LRRFIP1: variants seen among roughly 807,000 people sequenced by gnomAD.
LRRFIP1 encodes the protein LRR binding FLII interacting protein 1, also known as leucine-rich repeat flightless-interacting protein 1.
A neutral mutation model predicts 104.4 loss-of-function variants in LRRFIP1; 62 were observed. That is an observed-to-expected ratio of 0.59 (90% CI 0.48 to 0.73). LRRFIP1 has a LOEUF of 0.73. Among genes scored for constraint, LRRFIP1 ranks in the 30% least tolerant of loss-of-function variants. The pLI is 0.00. For missense variants in LRRFIP1, 796 were observed against 824.5 expected (o/e 0.97, Z 0.42); for synonymous variants, 300 against 299.0 (o/e 1.00, Z -0.03).
intron 8 of LRRFIP1, among the ~76,000 whole-genome samples, chr2:237,729,009 GCCT>G (rs758872421): frequency 2.6e-5 from 4 of 152,180 alleles, no homozygotes; most frequent in Non-Finnish European, 5.9e-5. Flanking sequence ...TGCAACCTCT[GCCT>G]CCTGGGTTCG....
rs2094390082 is a variant in LRRFIP1, at chr2:237,717,609, C to A, written c.202-153C>A. 1.4e-6 allele frequency: 1 copy of A among 716,708 alleles called. No homozygotes were observed. Among genetic ancestry groups the A allele is most frequent in the Non-Finnish European group, 2.6e-6 (1 of 389,820 alleles). 44.4% of individuals were successfully genotyped at this position (716,708 alleles called of 1,614,324 possible). ...ACGGGTGGCGGTCCCTGTGGAGAAG[C>A]CAGGCCTGGTGCCGACTGCTTTGCC... On this transcript the variant is annotated intron_variant, in intron 3 of 23. Coordinates refer to ENST00000308482, the MANE Select transcript of LRRFIP1 (RefSeq NM_001137550.2). The surrounding 1 kb of genome is among the most constrained non-coding windows in gnomAD (Gnocchi z 4.2).
rs1328455617 is a variant in LRRFIP1, at chr2:237,781,626, C to CT, written c.*2101dup. Among the ~76,000 whole-genome samples the CT allele has an allele frequency of 6.6e-6, 1 of 152,258 alleles. No homozygotes were observed. The highest frequency in any genetic ancestry group is 2.1e-4 in the South Asian group (1 of 4,818). ...TTTAAATTTATTTAGTAAAATAAAA[C>CT]TTTTTTTGCAGATGTAACGAATGGA... On this transcript the variant is annotated 3_prime_UTR_variant, in exon 24 of 24. Transcript: ENST00000308482.
At chr2:237,688,245 G>A (rs1051984844) in intron 1 of LRRFIP1, among the ~76,000 whole-genome samples, 1 of 152,082 alleles carries the variant, frequency 6.6e-6, no homozygotes, top group African/African-American at 2.4e-5. Context: ...CAGTGATGTC[G>A]GGAGGTCAGT....
chr2:237,744,141 A>G (rs543988709), intron 11 of LRRFIP1, among the ~76,000 whole-genome samples: 1 of 152,366 alleles, frequency 6.6e-6, no homozygotes, highest in Admixed American at 6.5e-5. Context: ...AAGATAAGTC[A>G]TTCAGGCTAA....
At chr2:237,746,061 TA>T (rs1345087095) in intron 11 of LRRFIP1, among the ~76,000 whole-genome samples, 10 of 141,402 alleles carry the variant, frequency 7.1e-5, no homozygotes, top group South Asian at 2.2e-4. Flanking sequence ...TTATTTTATT[TA>T]TTTTTTTTTT....
chr2:237,683,920 A>C (rs1027158123), intron 1 of LRRFIP1, among the ~76,000 whole-genome samples: 1 of 152,186 alleles, frequency 6.6e-6, no homozygotes, highest in Non-Finnish European at 1.5e-5. Context: ...GTACTGTTTA[A>C]ATTCAGATTA....
chr2:237,739,362 T>C, intron 11 of LRRFIP1, 53 bp downstream of exon 11: 1 of 1,412,544 alleles, frequency 7.1e-7, no homozygotes, highest in Non-Finnish European at 9.7e-7. Context: ...CCCTCCCCCT[T>C]CCCTTATCCT....
chr2:237,627,720 C>T lies in LRRFIP1; in HGVS notation c.76C>T (p.Leu26Phe). The T allele has an allele frequency of 7.4e-7, 1 of 1,349,282 alleles. No homozygotes were observed. The highest frequency in any genetic ancestry group is 2.7e-5 in the Admixed American group (1 of 36,548). 83.6% of individuals were successfully genotyped at this position (1,349,282 alleles called of 1,614,324 possible). ...RERLTAEDDALNQIAREAEAR... is the reference protein window; with the variant it reads ...RERLTAEDDAFNQIAREAEAR... Reference sequence around the variant, plus strand: ...GCGGCTCACGGCGGAGGACGACGCGCTCAACCAGATCGCGCGGGAGGTGAG... The same window carrying T: ...GCGGCTCACGGCGGAGGACGACGCGTTCAACCAGATCGCGCGGGAGGTGAG... The change falls in exon 1 of 24, where the codon CTC becomes TTC. Residue 26 changes from leucine (L) to phenylalanine (F), a missense_variant. Physicochemically the swap from Leu to Phe is conservative, Grantham distance 22. Coordinates refer to ENST00000308482, the MANE Select transcript of LRRFIP1 (RefSeq NM_001137550.2).
intron 8 of LRRFIP1, 54 bp downstream of exon 8, chr2:237,727,989 TC>T (rs2094832684): frequency 7.6e-7 from 1 of 1,308,474 alleles, no homozygotes; most frequent in Non-Finnish European, 1.1e-6. Context: ...TTTCAAAGCT[TC>T]TAGAACTAAA....
intron 23 of LRRFIP1, among the ~76,000 whole-genome samples, chr2:237,778,978 C>T (rs2061325477): frequency 6.6e-6 from 1 of 151,700 alleles, no homozygotes; most frequent in African/African-American, 2.4e-5. Context: ...AATCCCAGCA[C>T]TTTGGGAGGC....
chr2:237,672,322 C>T (rs1008514493), intron 1 of LRRFIP1, among the ~76,000 whole-genome samples: 11 of 152,176 alleles, frequency 7.2e-5, no homozygotes, highest in South Asian at 2.1e-4. Flanking sequence ...ATTCCTTGAG[C>T]GCACACAGCA....
chr2:237,641,162 A>C (rs985023878), intron 1 of LRRFIP1, among the ~76,000 whole-genome samples: 1 of 151,322 alleles, frequency 6.6e-6, no homozygotes, highest in African/African-American at 2.4e-5. Flanking sequence ...GATTGCTTGA[A>C]CCTAGGAGTT....
At chr2:237,754,831 C>G (rs923764836) in intron 15 of LRRFIP1, among the ~76,000 whole-genome samples, 1 of 152,220 alleles carries the variant, frequency 6.6e-6, no homozygotes, top group Non-Finnish European at 1.5e-5. Flanking sequence ...ATATGCATTC[C>G]TCCTGGAATG....
Position 237,766,617 on chromosome 2 carries a change from TAATA to T in LRRFIP1, c.1460-3325_1460-3322del, listed in dbSNP as rs1252868414. ...GTGATTCACCACTCATTTGCTTAAT[TAATA>T]GACAGGTTTGATCACTTTGTACATG... On this transcript the variant is annotated intron_variant, in intron 19 of 23. Coordinates refer to ENST00000308482, the MANE Select transcript of LRRFIP1 (RefSeq NM_001137550.2). This position sits in a 1 kb window ranked among gnomAD's most constrained non-coding sequence, Gnocchi z 4.8. Among the ~76,000 whole-genome samples, 1 of 152,116 alleles carries T rather than the reference TAATA, an allele frequency of 6.6e-6. No individual in the cohort carries two copies. Among genetic ancestry groups the T allele is most frequent in the Non-Finnish European group, 1.5e-5 (1 of 68,024 alleles).
intron 3 of LRRFIP1, among the ~76,000 whole-genome samples, chr2:237,714,583 T>G (rs1270111417): frequency 6.6e-6 from 1 of 152,248 alleles, no homozygotes; most frequent in Non-Finnish European, 1.5e-5. Context: ...TATTTCAGAA[T>G]GTGGATAGCC....
At chr2:237,670,257 C>T (rs74001240) in intron 1 of LRRFIP1, among the ~76,000 whole-genome samples, 2,321 of 152,344 alleles carry the variant, frequency 0.015, 55 homozygotes, top group African/African-American at 0.048. Flanking sequence ...CCCGACACCT[C>T]GGTGTGTCCC....
Position 237,646,230 on chromosome 2 carries a change from AT to A in LRRFIP1, c.96+18491del, listed in dbSNP as rs10717009. On this transcript the variant is annotated intron_variant, in intron 1 of 23. Coordinates refer to ENST00000308482, the MANE Select transcript of LRRFIP1 (RefSeq NM_001137550.2). ...TTCCTCCTTTCATTTTTAAAAAAAAATATATATGTATTACATTTTTTTCTTC... is the reference window on the plus strand; with the variant it reads ...TTCCTCCTTTCATTTTTAAAAAAAAAATATATGTATTACATTTTTTTCTTC... Among the ~76,000 whole-genome samples the A allele has an allele frequency of 5.7e-3, 864 of 152,026 alleles. 12 individuals carry two copies. The highest frequency in any genetic ancestry group is 0.019 in the African/African-American group (779 of 41,542).
chr2:237,733,028 C>T (rs1329168379), intron 8 of LRRFIP1, among the ~76,000 whole-genome samples: 1 of 152,230 alleles, frequency 6.6e-6, no homozygotes, highest in Non-Finnish European at 1.5e-5. Context: ...CTGTCCCTCT[C>T]CCTTGCATGT....
Position 237,708,598 on chromosome 2 carries a change from C to A in LRRFIP1, c.151C>A (p.Arg51Ser). The A allele has an allele frequency of 6.2e-7, 1 of 1,601,268 alleles. No homozygotes were observed. Among genetic ancestry groups the A allele is most frequent in the East Asian group, 2.3e-5 (1 of 44,396 alleles). Residue 51 changes from arginine to serine, a missense_variant, in exon 2 of 24, where the codon CGC becomes AGC. By Grantham distance (110) the Arg-to-Ser change is moderately radical. Transcript: ENST00000308482. Reference protein sequence around the residue: ...RAARAEAREIRMKELERQQKE... With the variant: ...RAARAEAREISMKELERQQKE... ...GGCCCGCGCGGAGGCTCGCGAGATC[C>A]GCATGAAGGAGCTGGAGCGGCAGCA...
Sources: gnomAD v4.1 joint callset for allele counts (sites outside exome capture counted in the v4.1 genomes callset) on GRCh38, gnomAD v4.1.1 for gene constraint, Gnocchi (gnomAD v3.1) non-coding constraint, MANE v1.5 for transcripts, NCBI Gene and HGNC (gene_info 2026-07-23, HGNC 2026-07-21) for gene names.